Variants in AKAP10 observed in about 807,000 individuals in gnomAD.
AKAP10 encodes A-kinase anchor protein 10, mitochondrial.
AKAP10 carries 24 observed loss-of-function variants against 80.8 expected under a neutral mutation model. The ratio of observed to expected loss-of-function variants is 0.30; its 90% CI spans 0.22 to 0.42. AKAP10 has a LOEUF of 0.42. Among genes scored for constraint, AKAP10 ranks in the 10% least tolerant of loss-of-function variants. The pLI is 1.00. For synonymous variants in AKAP10, 291 were observed against 277.7 expected, an observed-to-expected ratio of 1.05 and a Z score of -0.48; for missense variants, 661 against 794.9, an observed-to-expected ratio of 0.83 and a Z score of 2.03.
chr17:19,946,215 ATATATTTTATATATATATATAT>A (rs1477635566), intron 5 of AKAP10, among the ~76,000 whole-genome samples: 4 of 48,672 alleles, frequency 8.2e-5, no homozygotes, highest in Non-Finnish European at 3.9e-5. Flanking sequence ...TTATATATAT[ATATATTTTATATATATATATAT>A]TATATATATA....
chr17:19,922,431 T>A (rs1056413329), intron 11 of AKAP10, among the ~76,000 whole-genome samples: 2 of 152,186 alleles, frequency 1.3e-5, no homozygotes, highest in Admixed American at 1.3e-4. Context: ...TTTATTTATT[T>A]TTAGTAGAGA....
At position 19,974,153 on chromosome 17, in the gene AKAP10, T is replaced by C. The variant is rs542395720; in HGVS notation, c.88+3439A>G. Reference sequence around the variant, plus strand: ...GTTGCAGTGAGCCAAGATCCGCCACTGCACTCCAGCTTGAACGATAAGAGC... The same window carrying C: ...GTTGCAGTGAGCCAAGATCCGCCACCGCACTCCAGCTTGAACGATAAGAGC... On this transcript the variant is annotated intron_variant, in intron 1 of 14. Transcript: ENST00000225737. 1.2e-4 allele frequency among the ~76,000 whole-genome samples: 19 copies of C among 152,074 alleles called. No individual in the cohort carries two copies. In the South Asian group the frequency reaches 3.7e-3, roughly 30 times the overall value.
intron 1 of AKAP10, among the ~76,000 whole-genome samples, chr17:19,976,993 C>A (rs1176676995): frequency 1.3e-5 from 2 of 152,142 alleles, no homozygotes; most frequent in Non-Finnish European, 2.9e-5. Context: ...AACTGGAAAT[C>A]AAAAATGTAA....
intron 11 of AKAP10, among the ~76,000 whole-genome samples, chr17:19,920,942 C>T (rs1263345459): frequency 1.5e-5 from 2 of 134,202 alleles, no homozygotes; most frequent in East Asian, 2.2e-4. Flanking sequence ...TGATTAGTAT[C>T]GAGAAACATA....
intron 12 of AKAP10, among the ~76,000 whole-genome samples, chr17:19,916,566 C>T (rs2042744354): frequency 6.6e-6 from 1 of 151,844 alleles, no homozygotes; most frequent in Non-Finnish European, 1.5e-5. Flanking sequence ...GCTATGTTAA[C>T]ACTATGCTAA....
intron 9 of AKAP10, among the ~76,000 whole-genome samples, chr17:19,933,498 T>C (rs560378026): frequency 4.4e-4 from 67 of 152,340 alleles, no homozygotes; most frequent in African/African-American, 1.5e-3. Context: ...TTAGTCTAAG[T>C]TCCTTACATA....
intron 9 of AKAP10, among the ~76,000 whole-genome samples, chr17:19,933,391 T>A (rs1337710297): frequency 6.6e-6 from 1 of 152,216 alleles, no homozygotes; most frequent in East Asian, 1.9e-4. Flanking sequence ...ACTGTAACAC[T>A]ACCATCTAGC....
At chr17:19,950,960 G>A (rs1159436479) in intron 4 of AKAP10, among the ~76,000 whole-genome samples, 1 of 134,528 alleles carries the variant, frequency 7.4e-6, no homozygotes, top group Non-Finnish European at 1.6e-5. Flanking sequence ...GCCCGGCCGC[G>A]ACCCCGTCTG....
chr17:19,962,117 A>G (rs766518166), intron 3 of AKAP10, among the ~76,000 whole-genome samples: 3 of 152,194 alleles, frequency 2.0e-5, no homozygotes, highest in Non-Finnish European at 4.4e-5. Context: ...CCCTGTCTCA[A>G]GAAAATAAAT....
chr17:19,952,066 C>T (rs571660273), intron 4 of AKAP10, among the ~76,000 whole-genome samples: 1 of 150,996 alleles, frequency 6.6e-6, no homozygotes, highest in Non-Finnish European at 1.5e-5. Flanking sequence ...ATTATAAATA[C>T]CCCAGTGCAA....
intron 12 of AKAP10, among the ~76,000 whole-genome samples, 182 bp downstream of exon 12, chr17:19,919,854 G>T (rs2042791001): frequency 6.6e-6 from 1 of 152,150 alleles, no homozygotes; most frequent in African/African-American, 2.4e-5. Context: ...TTGATTCAGA[G>T]GAGATTGCAT....
intron 4 of AKAP10, among the ~76,000 whole-genome samples, chr17:19,953,306 G>C (rs1166238737): frequency 6.6e-6 from 1 of 151,082 alleles, no homozygotes; most frequent in Non-Finnish European, 1.5e-5. Flanking sequence ...AGAAAAGAAA[G>C]GTCTCAAACC....
At position 19,941,866 on chromosome 17, in the gene AKAP10, C is replaced by T. The variant is rs751945758; in HGVS notation, c.1021G>A (p.Val341Ile). ...EDGQVDPNCF[V>I]LAQSIVFSAM... ...CTAAAGACTATGGACTGTGCCAAAA[C>T]GAAACAGTTGGGATCCACCTGTCCA... The change falls in exon 6 of 15, where the codon GTT (valine) becomes ATT (isoleucine). Residue 341 changes from valine to isoleucine, a missense_variant. Val to Ile is a conservative substitution (Grantham distance 29, BLOSUM62 3). Transcript: ENST00000225737. 21 of 1,610,342 alleles carry T rather than the reference C, an allele frequency of 1.3e-5. No homozygotes were observed. The Admixed American group carries it at 2.2e-4, about 17-fold the overall frequency.
At chr17:19,917,155 C>T (rs1302157570) in intron 12 of AKAP10, among the ~76,000 whole-genome samples, 1 of 151,534 alleles carries the variant, frequency 6.6e-6, no homozygotes, top group Non-Finnish European at 1.5e-5. Flanking sequence ...GTCCCAGCTA[C>T]TTGGGAGGCT....
intron 10 of AKAP10, among the ~76,000 whole-genome samples, chr17:19,925,327 T>G (rs950397825): frequency 2.0e-5 from 3 of 152,176 alleles, no homozygotes; most frequent in African/African-American, 7.2e-5. Flanking sequence ...TAAAGCCCCA[T>G]GTTTACAGGG....
Position 19,931,660 on chromosome 17 carries a change from G to T in AKAP10, c.1641+145C>A, listed in dbSNP as rs149889329. 1.1e-3 allele frequency: 1,033 copies of T among 937,386 alleles called. 13 individuals carry two copies. The African/African-American group carries it at 0.015, about 14-fold the overall frequency. The allele number at this position is 937,386 out of a possible 1,614,324, so 58.1% of individuals were successfully genotyped here. ...CCCACCGCAGCCTCCCAAAGTGCTG[G>T]GATTACAGGCACAGGCCACTGTGCC... On this transcript the variant is annotated intron_variant, in intron 10 of 14. Coordinates refer to ENST00000225737, the MANE Select transcript of AKAP10 (RefSeq NM_007202.4).
chr17:19,968,286 T>A, intron 2 of AKAP10, 128 bp downstream of exon 2: 8 of 585,772 alleles, frequency 1.4e-5, no homozygotes, highest in East Asian at 3.5e-5. Flanking sequence ...TAAATCAAAA[T>A]CATAAGTAAT....
chr17:19,962,997 T>C lies in AKAP10; in HGVS notation c.162A>G (p.Gln54=). The C allele has an allele frequency of 6.2e-7, 1 of 1,613,330 alleles. No individual in the cohort carries two copies. The highest frequency in any genetic ancestry group is 8.5e-7 in the Non-Finnish European group (1 of 1,179,454). Residue 54 remains glutamine (Q), a synonymous_variant, in exon 3 of 15, where the codon CAA becomes CAG. Coordinates refer to ENST00000225737, the MANE Select transcript of AKAP10 (RefSeq NM_007202.4). ...GCAAGGCATGATTTTTAGTGCTTTT[T>C]TGTGGGGAATGTACGGATATTGAAG... is the stretch of plus-strand genomic sequence containing the variant. ...IKASISVHSP[Q]KSTKNHALLE... is the part of the protein sequence containing the mutation.
rs140209658 is a variant in AKAP10 at position 19,958,939 on chromosome 17, A to G, written c.320-368T>C. On this transcript the variant is annotated intron_variant, in intron 3 of 14. Transcript: ENST00000225737. ...TCTCGGCTCAATGCAACCAACCTCC[A>G]CCTCCCGGGTTCAAGCGATTCTCTT... Among the ~76,000 whole-genome samples, 783 of 133,150 alleles carry G rather than the reference A, an allele frequency of 5.9e-3. 15 individuals carry two copies. The East Asian group carries it at 0.082, about 14-fold the overall frequency. The allele number at this position is 133,150 out of a possible 152,430, so 87.4% of individuals were successfully genotyped here.
Sources: gnomAD v4.1 joint callset for allele counts (sites outside exome capture counted in the v4.1 genomes callset) on GRCh38, gnomAD v4.1.1 for gene constraint, MANE v1.5 for transcripts, NCBI Gene and HGNC (gene_info 2026-07-23, HGNC 2026-07-21) for gene names.